Variants in NHS observed in about 807,000 individuals in gnomAD.
The protein encoded by NHS is actin remodeling regulator NHS.
A neutral mutation model predicts 72.5 loss-of-function variants in NHS; 5 were observed. That is an observed-to-expected ratio of 0.07 (90% CI 0.04 to 0.14). The LOEUF is 0.14. Among genes scored for constraint, NHS ranks in the 10% least tolerant of loss-of-function variants. NHS has a pLI of 1.00. For synonymous variants in NHS, 464 were observed against 547.7 expected (o/e 0.85, Z 2.13); for missense variants, 1,072 against 1,355.7 (o/e 0.79, Z 3.29).
chrX:17,534,317 A>G (rs1341993277), intron 1 of NHS, among the ~76,000 whole-genome samples: 1 of 112,012 alleles, frequency 8.9e-6, no homozygotes, highest in African/African-American at 3.3e-5. Context: ...CAAGGAGGCC[A>G]GTGTGGTTAG....
intron 1 of NHS, among the ~76,000 whole-genome samples, chrX:17,623,577 G>A (rs1197147125): frequency 9.0e-6 from 1 of 111,358 alleles, no homozygotes; most frequent in Non-Finnish European, 1.9e-5. Flanking sequence ...CTTCCAAGAG[G>A]CCTTCACAAT....
chrX:17,479,233 T>C (rs1343518969), intron 1 of NHS, among the ~76,000 whole-genome samples: 4 of 112,638 alleles, frequency 3.6e-5, no homozygotes, highest in African/African-American at 1.3e-4. Context: ...AGGACATGAA[T>C]TCATCCTTTT....
At chrX:17,433,800 G>A (rs1479654519) in intron 1 of NHS, among the ~76,000 whole-genome samples, 1 of 112,181 alleles carries the variant, frequency 8.9e-6, no homozygotes, top group Non-Finnish European at 1.9e-5. Flanking sequence ...TTTGACCTTT[G>A]AATTTATGGA....
chrX:17,599,811 T>C (rs1601794630), intron 1 of NHS, among the ~76,000 whole-genome samples: 1 of 111,343 alleles, frequency 9.0e-6, no homozygotes. Context: ...CACCAGTTGA[T>C]GCAGGGAAGT....
chrX:17,490,063 A>T (rs1022235088), intron 1 of NHS, among the ~76,000 whole-genome samples: 1 of 111,838 alleles, frequency 8.9e-6, no homozygotes, highest in Non-Finnish European at 1.9e-5. Context: ...ATGTTCTCTC[A>T]TTCTGTAGGT....
intron 1 of NHS, among the ~76,000 whole-genome samples, chrX:17,489,434 C>A (rs1464187023): frequency 1.8e-5 from 2 of 112,205 alleles, no homozygotes; most frequent in Admixed American, 1.9e-4. Flanking sequence ...CCTATTTCTC[C>A]ACATCGTCTC....
intron 3 of NHS, among the ~76,000 whole-genome samples, chrX:17,694,242 A>G (rs1379694855): frequency 8.9e-6 from 1 of 112,200 alleles, no homozygotes; most frequent in Non-Finnish European, 1.9e-5. Flanking sequence ...AATACTTAGT[A>G]TTTCTAAGTA....
intron 1 of NHS, among the ~76,000 whole-genome samples, chrX:17,589,023 C>T (rs35969086): frequency 0.061 from 6,776 of 111,730 alleles, 497 homozygotes; most frequent in African/African-American, 0.2. Flanking sequence ...ATTATAGTAC[C>T]TGTCTTCCAG....
intron 1 of NHS, among the ~76,000 whole-genome samples, chrX:17,422,581 T>C (rs1239736539): frequency 8.9e-6 from 1 of 111,838 alleles, no homozygotes; most frequent in Non-Finnish European, 1.9e-5. Flanking sequence ...GCCACACCCC[T>C]GTTCTCCACT....
chrX:17,563,880 A>C (rs1318150248), intron 1 of NHS, among the ~76,000 whole-genome samples: 1 of 111,395 alleles, frequency 9.0e-6, no homozygotes, highest in African/African-American at 3.3e-5. Context: ...TTTTCAGGGC[A>C]GTGCTATGCC....
At chrX:17,465,435 C>A (rs1005342606) in intron 1 of NHS, among the ~76,000 whole-genome samples, 1 of 111,184 alleles carries the variant, frequency 9.0e-6, no homozygotes, top group African/African-American at 3.3e-5. Flanking sequence ...ACTCTTTATG[C>A]CCTTGTTGGT....
chrX:17,639,686 A>T (rs190941865), intron 1 of NHS, among the ~76,000 whole-genome samples: 10 of 112,564 alleles, frequency 8.9e-5, no homozygotes, highest in African/African-American at 3.2e-4. Context: ...TGGGTTATGG[A>T]AAGAGCCCTC....
intron 1 of NHS, among the ~76,000 whole-genome samples, chrX:17,399,155 G>T (rs1024704881): frequency 9.2e-6 from 1 of 109,261 alleles, no homozygotes; most frequent in Admixed American, 9.8e-5. Flanking sequence ...AGGCCGGAGT[G>T]CAGTGGTACT....
At chrX:17,719,525 T>G (rs2066393013) in intron 4 of NHS, 119 bp downstream of exon 4, 8 of 563,484 alleles carry the variant, frequency 1.4e-5, no homozygotes, top group Non-Finnish European at 2.2e-5. Flanking sequence ...GGTTTTTCTT[T>G]AAAATCAATT....
rs750594303 is a variant in NHS at position 17,675,997 on chromosome X, G to C, written c.566-11745G>C. Reference sequence around the variant, plus strand: ...TTCCATCATCACTTATGCTCTCTAAGTAGATTTTAAGAGACTAACCTCCAC... The same window carrying C: ...TTCCATCATCACTTATGCTCTCTAACTAGATTTTAAGAGACTAACCTCCAC... On this transcript the variant is annotated intron_variant, in intron 1 of 8. Transcript: ENST00000676302. Among the ~76,000 whole-genome samples, 10 of 111,412 alleles carry C rather than the reference G, an allele frequency of 9.0e-5. No homozygotes were observed. In the South Asian group the frequency reaches 1.2e-3, roughly 13 times the overall value.
At chrX:17,639,061 T>G (rs188428289) in intron 1 of NHS, among the ~76,000 whole-genome samples, 1 of 111,976 alleles carries the variant, frequency 8.9e-6, no homozygotes, top group African/African-American at 3.2e-5. Flanking sequence ...TCCCCTGAAC[T>G]GTCTTGATCT....
intron 3 of NHS, among the ~76,000 whole-genome samples, chrX:17,694,398 A>G (rs1244426774): frequency 8.9e-6 from 1 of 112,621 alleles, no homozygotes; most frequent in Non-Finnish European, 1.9e-5. Flanking sequence ...CTGCAGGTAT[A>G]GAGACAGGAA....
Position 17,589,588 on chromosome X carries a change from T to C in NHS, c.566-98154T>C, listed in dbSNP as rs775421294. Reference sequence around the variant, plus strand: ...TTTTCTTTCTCCACTCGTTGACTGATGGACATTTGGGTTGGTTCCCTATTT... The same window carrying C: ...TTTTCTTTCTCCACTCGTTGACTGACGGACATTTGGGTTGGTTCCCTATTT... On this transcript the variant is annotated intron_variant, in intron 1 of 8. Transcript: ENST00000676302. Among the ~76,000 whole-genome samples the C allele has an allele frequency of 2.7e-5, 3 of 111,889 alleles. No individual in the cohort carries two copies. The South Asian group carries it at 1.1e-3, about 43-fold the overall frequency.
At chrX:17,570,583 G>T (rs1422566801) in intron 1 of NHS, among the ~76,000 whole-genome samples, 1 of 111,469 alleles carries the variant, frequency 9.0e-6, no homozygotes, top group African/African-American at 3.3e-5. Context: ...AGATGATGGG[G>T]TTTTCTAAAT....
Sources: gnomAD v4.1 joint callset for allele counts (sites outside exome capture counted in the v4.1 genomes callset) on GRCh38, gnomAD v4.1.1 for gene constraint, MANE v1.5 for transcripts, NCBI Gene and HGNC (gene_info 2026-07-23, HGNC 2026-07-21) for gene names.